The following PCDHA11 variants were observed in gnomAD, a reference collection of about 807,000 sequenced individuals.
PCDHA11 encodes protocadherin alpha 11.
PCDHA11 carries 61 observed loss-of-function variants against 70.3 expected under a neutral mutation model. That is an observed-to-expected ratio of 0.87 (90% CI 0.71 to 1.07). The LOEUF (loss-of-function observed/expected upper bound fraction) is 1.07, where lower values mean the gene tolerates loss of function less well. Ranked by LOEUF, PCDHA11 falls within the 50% of genes least tolerant of loss-of-function variation. PCDHA11 has a pLI of 0.00. For synonymous variants in PCDHA11, 633 were observed against 555.1 expected (o/e 1.14, Z -1.97); for missense variants, 1,324 against 1,237.5 (o/e 1.07, Z -1.05).
At chr5:140,917,863 G>A (rs182359679) in intron 1 of PCDHA11, among the ~76,000 whole-genome samples, 1 of 151,750 alleles carries the variant, frequency 6.6e-6, no homozygotes, top group East Asian at 1.9e-4. Context: ...GGATTGCTTT[G>A]ACTATTTGGG....
At chr5:140,990,507 T>C (rs1554251511) in intron 3 of PCDHA11, among the ~76,000 whole-genome samples, 1 of 152,158 alleles carries the variant, frequency 6.6e-6, no homozygotes, top group East Asian at 1.9e-4. Context: ...CCCCAAGTCT[T>C]CTCTCTTGTC....
At chr5:140,951,544 G>C (rs543008494) in intron 1 of PCDHA11, among the ~76,000 whole-genome samples, 1 of 151,878 alleles carries the variant, frequency 6.6e-6, no homozygotes, top group African/African-American at 2.4e-5. Context: ...AGCAAGGGAC[G>C]GGGGGAAGTG....
intron 1 of PCDHA11, among the ~76,000 whole-genome samples, chr5:140,952,416 G>A (rs114343205): frequency 2.1e-3 from 324 of 151,824 alleles, no homozygotes; most frequent in African/African-American, 7.0e-3. Flanking sequence ...TTAATGTTCC[G>A]CAGATTCCTA....
intron 3 of PCDHA11, among the ~76,000 whole-genome samples, chr5:141,005,774 G>A (rs2098239231): frequency 1.4e-5 from 2 of 144,252 alleles, no homozygotes; most frequent in Non-Finnish European, 3.0e-5. Flanking sequence ...AACCAGATGT[G>A]TAAAGATCCT....
At position 140,946,316 on chromosome 5, in the gene PCDHA11, G is replaced by C. The variant is rs1293160526; in HGVS notation, c.2392-32633G>C. ...CACACCTGGTAGAATGGCTATTATTGAAAGAGGAAAGATAACAAGTGATGG... is the reference window on the plus strand; with the variant it reads ...CACACCTGGTAGAATGGCTATTATTCAAAGAGGAAAGATAACAAGTGATGG... On this transcript the variant is annotated intron_variant, in intron 1 of 3. Transcript: ENST00000398640. Among the ~76,000 whole-genome samples, 3 of 151,662 alleles carry C rather than the reference G, an allele frequency of 2.0e-5. No individual in the cohort carries two copies. In the East Asian group the frequency reaches 5.8e-4, roughly 29 times the overall value.
chr5:140,999,144 G>A (rs2097848915), intron 3 of PCDHA11, among the ~76,000 whole-genome samples: 1 of 152,200 alleles, frequency 6.6e-6, no homozygotes, highest in Non-Finnish European at 1.5e-5. Context: ...ACAGCCGGAA[G>A]TCTTCAGTCC....
rs189155751 is a variant in PCDHA11 at position 140,943,432 on chromosome 5, T to C, written c.2392-35517T>C. 2.8e-3 allele frequency among the ~76,000 whole-genome samples: 419 copies of C among 152,174 alleles called. 2 individuals carry two copies. The highest frequency in any genetic ancestry group is 0.014 in the Middle Eastern group (4 of 294). Reference sequence around the variant, plus strand: ...ACTAGAGGCAAGGGCTTTAATATGATATAAAGGATAGAATTGATAAGGCTA... The same window carrying C: ...ACTAGAGGCAAGGGCTTTAATATGACATAAAGGATAGAATTGATAAGGCTA... On this transcript the variant is annotated intron_variant, in intron 1 of 3. Coordinates refer to ENST00000398640, the MANE Select transcript of PCDHA11 (RefSeq NM_018902.5).
rs781824958 is a variant in PCDHA11 at position 140,871,297 on chromosome 5, G to T, written c.2194G>T (p.Ala732Ser). Reference sequence around the variant, plus strand: ...GGCAACGCCCACTGAGGGCGCGTGCGCGCCGGGGAAGCCCACGCTGGTGTG... The same window carrying T: ...GGCAACGCCCACTGAGGGCGCGTGCTCGCCGGGGAAGCCCACGCTGGTGTG... The part of the protein sequence containing the change: ...WSATPTEGAC[A>S]PGKPTLVCSR... The change falls in exon 1 of 4, where the codon GCG becomes TCG. Residue 732 changes from alanine (A) to serine (S), a missense_variant. By Grantham distance (99) the Ala-to-Ser change is moderately conservative. Coordinates refer to ENST00000398640, the MANE Select transcript of PCDHA11 (RefSeq NM_018902.5). The T allele has an allele frequency of 6.2e-7, 1 of 1,613,896 alleles. No individual in the cohort carries two copies. Among genetic ancestry groups the T allele is most frequent in the Non-Finnish European group, 8.5e-7 (1 of 1,179,938 alleles).
chr5:140,987,513 A>C (rs1324114239), intron 3 of PCDHA11, among the ~76,000 whole-genome samples: 3 of 152,168 alleles, frequency 2.0e-5, no homozygotes, highest in Non-Finnish European at 4.4e-5. Flanking sequence ...TCTGCCACTC[A>C]GTAATTGTAT....
intron 1 of PCDHA11, among the ~76,000 whole-genome samples, chr5:140,922,137 T>A (rs1235551628): frequency 2.0e-5 from 3 of 151,994 alleles, no homozygotes; most frequent in African/African-American, 7.3e-5. Context: ...TCTCTTATCC[T>A]CCATGAAACT....
Position 140,871,486 on chromosome 5 carries a change from C to T in PCDHA11, c.2383C>T (p.Pro795Ser). 6.3e-7 allele frequency: 1 copy of T among 1,592,450 alleles called. No homozygotes were observed. The highest frequency in any genetic ancestry group is 1.3e-5 in the African/African-American group (1 of 74,540). Reference sequence around the variant, plus strand: ...AAGACAGGAGCCAGGGTCAAATCACCCCGGACAGGTGAGTTTTCTACAGAT... The same window carrying T: ...AAGACAGGAGCCAGGGTCAAATCACTCCGGACAGGTGAGTTTTCTACAGAT... ...GERQEPGSNH[P>S]GQPRQPNPDW... is the part of the protein sequence containing the mutation. Residue 795 changes from proline to serine, a missense_variant, in exon 1 of 4, where the codon CCC (proline) becomes TCC (serine). Transcript: ENST00000398640.
chr5:140,928,149 T>C, intron 1 of PCDHA11: 2 of 1,614,194 alleles, frequency 1.2e-6, no homozygotes, highest in Non-Finnish European at 8.5e-7. Flanking sequence ...CGGCCTCAGA[T>C]AGTGGCTCAC....
chr5:140,900,424 C>T (rs557118930), intron 1 of PCDHA11, among the ~76,000 whole-genome samples: 151 of 152,214 alleles, frequency 9.9e-4, no homozygotes, highest in African/African-American at 3.3e-3. Flanking sequence ...ATTATAGGCA[C>T]GTGCCACCAC....
chr5:140,964,949 G>A (rs1322269042), intron 1 of PCDHA11, among the ~76,000 whole-genome samples: 1 of 152,226 alleles, frequency 6.6e-6, no homozygotes, highest in Non-Finnish European at 1.5e-5. Flanking sequence ...TAGTGAGTGT[G>A]CTTGGTTGGT....
chr5:141,008,439 G>A (rs2098377388), intron 3 of PCDHA11, among the ~76,000 whole-genome samples: 1 of 152,128 alleles, frequency 6.6e-6, no homozygotes, highest in African/African-American at 2.4e-5. Context: ...TGCCCAGACA[G>A]ACCATTACCC....
At chr5:140,883,410 C>T in intron 1 of PCDHA11, 2 of 1,614,180 alleles carry the variant, frequency 1.2e-6, no homozygotes, top group Non-Finnish European at 1.7e-6. Flanking sequence ...GACTCTGGCT[C>T]AAATGGACAG....
At chr5:140,911,987 G>A (rs1554195079) in intron 1 of PCDHA11, among the ~76,000 whole-genome samples, 1 of 152,086 alleles carries the variant, frequency 6.6e-6, no homozygotes, top group Admixed American at 6.6e-5. Context: ...TGATCACAAG[G>A]TCCCACAATA....
At chr5:140,982,691 C>G in intron 3 of PCDHA11, 128 bp downstream of exon 3, 1 of 1,408,152 alleles carries the variant, frequency 7.1e-7, no homozygotes, top group Non-Finnish European at 9.3e-7. Flanking sequence ...TTTTTCCATA[C>G]ATACATGATT....
intron 1 of PCDHA11, among the ~76,000 whole-genome samples, chr5:140,898,794 T>G (rs1487494121): frequency 1.3e-5 from 2 of 152,236 alleles, no homozygotes; most frequent in East Asian, 3.8e-4. Flanking sequence ...ATGGCCATTT[T>G]CACGATACTG....
Sources: allele counts gnomAD v4.1 joint callset (sites outside exome capture counted in the v4.1 genomes callset), GRCh38; gene constraint gnomAD v4.1.1; transcripts MANE v1.5; gene names NCBI Gene and HGNC (gene_info 2026-07-23, HGNC 2026-07-21).